Variants in VPS37A observed in about 807,000 individuals in gnomAD.
VPS37A encodes the protein vacuolar protein sorting-associated protein 37A.
Under a neutral mutation model 49.8 loss-of-function variants are expected in VPS37A, and 30 were observed. That is an observed-to-expected ratio of 0.60 (90% CI 0.45 to 0.82). The LOEUF is 0.82. Among genes scored for constraint, VPS37A ranks in the 40% least tolerant of loss-of-function variants. VPS37A has a pLI of 0.00. For synonymous variants in VPS37A, 195 were observed against 160.6 expected (o/e 1.21, Z -1.62); for missense variants, 593 against 464.4 (o/e 1.28, Z -2.55).
At chr8:17,279,019 C>T (rs908628480) in intron 6 of VPS37A, among the ~76,000 whole-genome samples, 46 of 152,128 alleles carry the variant, frequency 3.0e-4, no homozygotes, top group African/African-American at 1.0e-3. Context: ...TGGTTTAGCC[C>T]TCCATTATTT....
At chr8:17,287,339 C>A (rs1026121535) in intron 11 of VPS37A, among the ~76,000 whole-genome samples, 1 of 152,056 alleles carries the variant, frequency 6.6e-6, no homozygotes, top group Admixed American at 6.6e-5. Context: ...TTTGAGGCTG[C>A]TTGTTTGGTT....
downstream of VPS37A, chr8:17,298,596 A>C (rs1816896169): frequency 6.6e-6 from 1 of 152,572 alleles, no homozygotes; most frequent in Non-Finnish European, 1.5e-5. Context: ...AGTTTAAATT[A>C]ATCCTTTCAC....
chr8:17,257,281 G>A (rs907973474), intron 1 of VPS37A, among the ~76,000 whole-genome samples: 1 of 152,158 alleles, frequency 6.6e-6, no homozygotes, highest in Non-Finnish European at 1.5e-5. Context: ...CTGTGTGTTT[G>A]TTTTTAGGCC....
intron 9 of VPS37A, among the ~76,000 whole-genome samples, chr8:17,283,651 T>A (rs1220545629): frequency 3.3e-5 from 5 of 152,266 alleles, no homozygotes; most frequent in Admixed American, 1.3e-4. Flanking sequence ...TTGAAAATCA[T>A]TTGGCCATAT....
At chr8:17,254,572 C>G (rs1812264665) in intron 1 of VPS37A, among the ~76,000 whole-genome samples, 1 of 152,108 alleles carries the variant, frequency 6.6e-6, no homozygotes, top group Admixed American at 6.5e-5. Context: ...CTGCTCCAAA[C>G]TTTATATTGG....
chr8:17,302,082 G>A, downstream of VPS37A: 2 of 1,581,428 alleles, frequency 1.3e-6, no homozygotes, highest in African/African-American at 2.7e-5. Flanking sequence ...TGAATCTTAA[G>A]AGGCTTTCAT....
intron 1 of VPS37A, among the ~76,000 whole-genome samples, chr8:17,254,300 G>T (rs1357666972): frequency 6.6e-6 from 1 of 152,146 alleles, no homozygotes; most frequent in African/African-American, 2.4e-5. Flanking sequence ...GTCAGTAGCT[G>T]TCATGGGGTT....
chr8:17,279,082 A>G (rs1039376273), intron 6 of VPS37A, among the ~76,000 whole-genome samples: 15 of 152,132 alleles, frequency 9.9e-5, no homozygotes, highest in African/African-American at 3.6e-4. Flanking sequence ...ATAAACACAC[A>G]TAAACATATC....
At chr8:17,274,660 G>C in intron 4 of VPS37A, 73 bp from the exon 5 acceptor site, 1 of 1,261,326 alleles carries the variant, frequency 7.9e-7, no homozygotes, top group Non-Finnish European at 1.1e-6. Context: ...TTGTTATTTA[G>C]AACAATTTAG....
chr8:17,254,865 A>C (rs1304157312), intron 1 of VPS37A, among the ~76,000 whole-genome samples: 1 of 152,156 alleles, frequency 6.6e-6, no homozygotes, highest in African/African-American at 2.4e-5. Context: ...TTTTTATCTA[A>C]ATCATAGAGA....
At chr8:17,258,857 C>T (rs556291248) in intron 1 of VPS37A, among the ~76,000 whole-genome samples, 1 of 152,104 alleles carries the variant, frequency 6.6e-6, no homozygotes, top group South Asian at 2.1e-4. Context: ...ATATGTCCGG[C>T]AATTTGTTCC....
chr8:17,333,447 T>C, the VPS37A span, among the ~76,000 whole-genome samples: 3 of 152,218 alleles, frequency 2.0e-5, no homozygotes, highest in East Asian at 3.8e-4. Context: ...AATAGGAGAT[T>C]TGAAAGTATC....
the VPS37A span, among the ~76,000 whole-genome samples, chr8:17,323,646 A>G: frequency 3.3e-5 from 5 of 152,228 alleles, no homozygotes; most frequent in African/African-American, 1.2e-4. Flanking sequence ...CAGAGGCCGC[A>G]GGGGTGGGGG....
At chr8:17,264,155 C>T (rs1813227217) in intron 1 of VPS37A, among the ~76,000 whole-genome samples, 1 of 152,012 alleles carries the variant, frequency 6.6e-6, no homozygotes, top group South Asian at 2.1e-4. Flanking sequence ...AGAGAAAAGG[C>T]TTAACTTACC....
At chr8:17,330,189 A>C in the VPS37A span, among the ~76,000 whole-genome samples, 9 of 152,240 alleles carry the variant, frequency 5.9e-5, no homozygotes, top group Non-Finnish European at 1.3e-4. Context: ...GATTAAACGA[A>C]GAACGGCTTA....
the VPS37A span, among the ~76,000 whole-genome samples, chr8:17,323,402 C>T: frequency 5.4e-3 from 814 of 152,072 alleles, 8 homozygotes; most frequent in African/African-American, 0.018. Context: ...CAAACGGAGC[C>T]AGGATGAACA....
chr8:17,248,046 T>C (rs1172858534), intron 1 of VPS37A: 9 of 458,652 alleles, frequency 2.0e-5, no homozygotes, highest in Non-Finnish European at 3.2e-5. Context: ...CATTTTATCA[T>C]GGTCAGTTTA....
chr8:17,267,680 T>C (rs1216359553), intron 2 of VPS37A, among the ~76,000 whole-genome samples: 1 of 152,200 alleles, frequency 6.6e-6, no homozygotes, highest in African/African-American at 2.4e-5. Context: ...TCACAGCATG[T>C]TATTTATTTT....
At chr8:17,315,299 C>T in the VPS37A span, among the ~76,000 whole-genome samples, 197 of 152,134 alleles carry the variant, frequency 1.3e-3, 1 homozygote, top group South Asian at 4.6e-3. Flanking sequence ...GGCAAAACTA[C>T]GGAGACAGTA....
Sources: allele counts gnomAD v4.1 joint callset (sites outside exome capture counted in the v4.1 genomes callset), GRCh38; gene constraint gnomAD v4.1.1; transcripts MANE v1.5; gene names NCBI Gene and HGNC (gene_info 2026-07-23, HGNC 2026-07-21).